TJP3: variants seen among roughly 807,000 people sequenced by gnomAD.
TJP3 encodes the protein tight junction protein ZO-3.
Under a neutral mutation model 104.2 loss-of-function variants are expected in TJP3, and 85 were observed. The observed-to-expected ratio is 0.82, with a 90% CI of 0.68 to 0.98. The LOEUF (loss-of-function observed/expected upper bound fraction) is 0.98. Among genes scored for constraint, TJP3 ranks in the 50% least tolerant of loss-of-function variants. TJP3 has a pLI of 0.00. For missense variants in TJP3, 1,367 were observed against 1,322.8 expected (o/e 1.03, Z -0.52); for synonymous variants, 550 against 550.6 (o/e 1.00, Z 0.02).
chr19:3,711,980 C>T (rs1291469902), intron 1 of TJP3, among the ~76,000 whole-genome samples: 4 of 152,004 alleles, frequency 2.6e-5, no homozygotes, highest in Middle Eastern at 3.4e-3. Context: ...GCCACCGACC[C>T]GGCCTCAGCA....
At position 3,748,041 on chromosome 19, in the gene TJP3, C is replaced by T. The variant is rs373989858; in HGVS notation, c.2570C>T (p.Pro857Leu). 1.9e-5 allele frequency: 30 copies of T among 1,593,152 alleles called. No individual in the cohort carries two copies. Among genetic ancestry groups the T allele is most frequent in the African/African-American group, 1.1e-4 (8 of 74,634 alleles). ...GTGCAGGCAGATGAGTCCCAGAGCC[C>T]GAGGGATCGTGGGAGAATCTCGGCT... ...EPVQADESQS[P>L]RDRGRISAHQ... The change falls in exon 19 of 21, where the codon CCG becomes CTG. Residue 857 changes from proline to leucine, a missense_variant. Coordinates refer to ENST00000541714, the MANE Select transcript of TJP3 (RefSeq NM_001267560.2).
At position 3,730,539 on chromosome 19, in the gene TJP3, C is replaced by G; in HGVS notation, c.446C>G (p.Pro149Arg). 2 of 1,601,022 alleles carry G rather than the reference C, an allele frequency of 1.2e-6. No individual in the cohort carries two copies. The highest frequency in any genetic ancestry group is 1.7e-6 in the Non-Finnish European group (2 of 1,176,282). The change falls in exon 5 of 21, where the codon CCG (proline) becomes CGG (arginine). Residue 149 changes from proline to arginine, a missense_variant. Pro to Arg is a moderately radical substitution (Grantham distance 103). Coordinates refer to ENST00000541714, the MANE Select transcript of TJP3 (RefSeq NM_001267560.2). The surrounding 1 kb of genome is among the most constrained non-coding windows in gnomAD (Gnocchi z 7.3). The stretch of plus-strand genomic sequence containing the variant: ...TCCTGGGACGAGCGCTCCCGCCGGC[C>G]GAGGCCTGGTCGCCGGGGCCGGGCC... The part of the protein sequence containing the change: ...GRSWDERSRR[P>R]RPGRRGRAGS...
chr19:3,726,078 G>A (rs892398680), intron 1 of TJP3, among the ~76,000 whole-genome samples: 2 of 152,242 alleles, frequency 1.3e-5, no homozygotes, highest in Non-Finnish European at 2.9e-5. Context: ...ACCAATGGGG[G>A]GTGCCTGGGC....
chr19:3,718,113 G>T (rs1351805269), intron 1 of TJP3, among the ~76,000 whole-genome samples: 2 of 149,370 alleles, frequency 1.3e-5, no homozygotes, highest in Non-Finnish European at 3.0e-5. Context: ...GGCTGAGGCA[G>T]GAGAATGGCG....
intron 1 of TJP3, among the ~76,000 whole-genome samples, chr19:3,714,642 A>T (rs545592926): frequency 1.3e-5 from 2 of 151,898 alleles, no homozygotes; most frequent in African/African-American, 2.4e-5. Context: ...GCGCAGTGGC[A>T]CACACCTGTA....
At chr19:3,724,989 G>A (rs979216239) in intron 1 of TJP3, among the ~76,000 whole-genome samples, 75 of 152,304 alleles carry the variant, frequency 4.9e-4, no homozygotes, top group Admixed American at 3.9e-3. Context: ...GGCTGGGTGC[G>A]GTGGCTCACG....
At chr19:3,722,387 C>T (rs977475807) in intron 1 of TJP3, among the ~76,000 whole-genome samples, 11 of 152,140 alleles carry the variant, frequency 7.2e-5, no homozygotes, top group Admixed American at 5.9e-4. Context: ...GCTTGGGCGC[C>T]CGCGGTGGCA....
chr19:3,722,552 A>C (rs1016830472), intron 1 of TJP3, among the ~76,000 whole-genome samples: 1 of 139,630 alleles, frequency 7.2e-6, no homozygotes, highest in African/African-American at 2.6e-5. Context: ...TGGGGTGAGC[A>C]AGCCGGCTGG....
Position 3,743,822 on chromosome 19 carries a change from A to G in TJP3, c.1844-117A>G, listed in dbSNP as rs140992765. ...AGATGTAGTATTTGGCTGGGTAGCT[A>G]TGGTCCTGGTTAAATAGGCTGTTTA... On this transcript the variant is annotated intron_variant, in intron 14 of 20. Transcript: ENST00000541714. 7.1e-5 allele frequency: 64 copies of G among 900,022 alleles called. No homozygotes were observed. In the African/African-American group the frequency reaches 8.9e-4, roughly 13 times the overall value. The allele number at this position is 900,022 out of a possible 1,614,324, so 55.8% of individuals were successfully genotyped here.
intron 1 of TJP3, among the ~76,000 whole-genome samples, chr19:3,726,893 C>T (rs535699420): frequency 6.6e-6 from 1 of 151,490 alleles, no homozygotes; most frequent in Non-Finnish European, 1.5e-5. Flanking sequence ...TGAGACCAGC[C>T]TTGGCAACAC....
chr19:3,716,866 T>A (rs2036483080), intron 1 of TJP3, among the ~76,000 whole-genome samples: 1 of 139,654 alleles, frequency 7.2e-6, no homozygotes, highest in South Asian at 2.5e-4. Context: ...TGGCACGATC[T>A]CGGCTCACTG....
chr19:3,739,131 G>A lies in TJP3; in HGVS notation c.1628G>A (p.Ser543Asn), dbSNP rs1239164168. ...EQERGIIPNQ[S>N]RAEQLASLEA... Reference sequence around the variant, plus strand: ...GAGCGGGGCATCATTCCCAACCAGAGCAGGTGGGGACTGTGTGCTCCTGCA... The same window carrying A: ...GAGCGGGGCATCATTCCCAACCAGAACAGGTGGGGACTGTGTGCTCCTGCA... The change falls in exon 13 of 21, where the codon AGC becomes AAC. Residue 543 changes from serine (S) to asparagine (N), a missense_variant. By Grantham distance (46) the Ser-to-Asn change is conservative. Transcript: ENST00000541714. The A allele has an allele frequency of 1.3e-6, 2 of 1,549,686 alleles. No homozygotes were observed. Among genetic ancestry groups the A allele is most frequent in the Non-Finnish European group, 1.7e-6 (2 of 1,146,248 alleles).
At chr19:3,709,917 A>G (rs535683334) in intron 1 of TJP3, among the ~76,000 whole-genome samples, 4 of 152,204 alleles carry the variant, frequency 2.6e-5, no homozygotes, top group African/African-American at 9.6e-5. Flanking sequence ...TGGGAGGTCG[A>G]GGCGAGTGGA....
chr19:3,717,868 G>A (rs1255114228), intron 1 of TJP3, among the ~76,000 whole-genome samples: 1 of 148,438 alleles, frequency 6.7e-6, no homozygotes, highest in African/African-American at 2.5e-5. Context: ...TCCCAGCTCA[G>A]CTTCCCAAGT....
At chr19:3,718,450 T>C (rs927655219) in intron 1 of TJP3, among the ~76,000 whole-genome samples, 1 of 148,880 alleles carries the variant, frequency 6.7e-6, no homozygotes, top group African/African-American at 2.5e-5. Context: ...TTTTCTTTTC[T>C]TGCGGTTTTT....
chr19:3,717,918 TA>T (rs71339056), intron 1 of TJP3, among the ~76,000 whole-genome samples: 259 of 132,350 alleles, frequency 2.0e-3, no homozygotes, highest in Non-Finnish European at 1.9e-3. Context: ...ACTGGCTAAT[TA>T]AAAAAAAAAA....
chr19:3,732,072 G>T, intron 6 of TJP3, 34 bp downstream of exon 6: 1 of 1,588,544 alleles, frequency 6.3e-7, no homozygotes. Context: ...AGAGCAGGGA[G>T]ACAAGGCAGG....
Position 3,734,364 on chromosome 19 carries a change from A to G in TJP3, c.915A>G (p.Pro305=). ...TCGCCTCGGAGCTATCGCAGGCACC[A>G]CCATCCCACATCCCACCACCACCCC... The part of the protein sequence containing the change: ...SDLASELSQA[P]PSHIPPPPRH... The change falls in exon 8 of 21, where the codon CCA becomes CCG. Residue 305 remains proline, a synonymous_variant. Coordinates refer to ENST00000541714, the MANE Select transcript of TJP3 (RefSeq NM_001267560.2). The G allele has an allele frequency of 1.2e-6, 2 of 1,613,606 alleles. No homozygotes were observed. Among genetic ancestry groups the G allele is most frequent in the Non-Finnish European group, 1.7e-6 (2 of 1,179,968 alleles).
intron 1 of TJP3, chr19:3,721,772 G>A (rs630335): frequency 4.3e-6 from 2 of 464,728 alleles, no homozygotes; most frequent in East Asian, 7.2e-5. Context: ...AGGAGGACGA[G>A]AGCCCGGCCC....
Sources: gnomAD v4.1 joint callset for allele counts (sites outside exome capture counted in the v4.1 genomes callset) on GRCh38, gnomAD v4.1.1 for gene constraint, Gnocchi (gnomAD v3.1) non-coding constraint, MANE v1.5 for transcripts, NCBI Gene and HGNC (gene_info 2026-07-23, HGNC 2026-07-21) for gene names.